The following PLGRKT variants were observed in gnomAD, a reference collection of about 807,000 sequenced individuals.
PLGRKT encodes the protein plasminogen receptor with a C-terminal lysine.
A neutral mutation model predicts 18.5 loss-of-function variants in PLGRKT; 22 were observed. That is an observed-to-expected ratio of 1.19 (90% CI 0.85 to 1.70). The LOEUF (loss-of-function observed/expected upper bound fraction) is 1.70, where lower values mean the gene tolerates loss of function less well. PLGRKT is among the 40% of genes most tolerant of loss of function. The pLI, the probability that PLGRKT is intolerant of heterozygous loss-of-function variation, is 0.00. For missense variants in PLGRKT, 235 were observed against 174.4 expected, an observed-to-expected ratio of 1.35 and a Z score of -1.96; for synonymous variants, 72 against 52.8, an observed-to-expected ratio of 1.36 and a Z score of -1.58.
At chr9:5,428,106 C>T (rs1314569138) in intron 3 of PLGRKT, among the ~76,000 whole-genome samples, 1 of 152,172 alleles carries the variant, frequency 6.6e-6, no homozygotes, top group African/African-American at 2.4e-5. Flanking sequence ...GCTGCTGAAT[C>T]TAGGGGTCCC....
At chr9:5,416,676 T>C (rs1056318061) in intron 3 of PLGRKT, among the ~76,000 whole-genome samples, 1 of 152,228 alleles carries the variant, frequency 6.6e-6, no homozygotes, top group Admixed American at 6.5e-5. Context: ...TGATGGTTAC[T>C]GGATTCATTG....
intron 5 of PLGRKT, among the ~76,000 whole-genome samples, chr9:5,360,453 C>G (rs923752098): frequency 1.2e-4 from 18 of 152,078 alleles, no homozygotes; most frequent in Non-Finnish European, 5.9e-5. Flanking sequence ...GGATGTGTCC[C>G]AATAAAACTT....
rs1818857903 is a variant in PLGRKT, at chr9:5,432,858, C to G, written c.-6-875G>C. 2.0e-5 allele frequency among the ~76,000 whole-genome samples: 3 copies of G among 152,206 alleles called. No homozygotes were observed. In the South Asian group the frequency reaches 6.2e-4, roughly 31 times the overall value. ...TCTCGGCTGGCTACAACCTCCACCT[C>G]CCAGCCGCCTGCCTTGGCCTCCCAA... On this transcript the variant is annotated intron_variant, in intron 2 of 5. Coordinates refer to ENST00000223864, the MANE Select transcript of PLGRKT (RefSeq NM_018465.4).
At chr9:5,419,786 CTG>C (rs970022126) in intron 3 of PLGRKT, among the ~76,000 whole-genome samples, 3 of 152,142 alleles carry the variant, frequency 2.0e-5, no homozygotes, top group African/African-American at 7.2e-5. Context: ...ATGTAAAAAA[CTG>C]TGGCCATGGT....
rs1366564226 is a variant in PLGRKT at position 5,424,429 on chromosome 9, CAT to C, written c.81+7466_81+7467del. 5.6e-5 allele frequency among the ~76,000 whole-genome samples: 6 copies of C among 107,742 alleles called. No homozygotes were observed. In the South Asian group the frequency reaches 1.0e-3, roughly 18 times the overall value. The allele number at this position is 107,742 out of a possible 152,430, so 70.7% of individuals were successfully genotyped here. Reference sequence around the variant, plus strand: ...TTATATATTAACATATAATATATAACATATTATAAAATATATTATATATTATA... The same window carrying C: ...TTATATATTAACATATAATATATAACATTATAAAATATATTATATATTATA... On this transcript the variant is annotated intron_variant, in intron 3 of 5. Transcript: ENST00000223864.
rs557931075 is a variant in PLGRKT at position 5,402,195 on chromosome 9, T to C, written c.81+29702A>G. 2.0e-5 allele frequency among the ~76,000 whole-genome samples: 3 copies of C among 152,070 alleles called. No homozygotes were observed. The East Asian group carries it at 5.8e-4, about 29-fold the overall frequency. ...ACAAAACCACGAACATACTATTATT[T>C]TGTTTGATTAGTGTCAACAGAAGGT... is the stretch of plus-strand genomic sequence containing the variant. On this transcript the variant is annotated intron_variant, in intron 3 of 5. Coordinates refer to ENST00000223864, the MANE Select transcript of PLGRKT (RefSeq NM_018465.4).
intron 3 of PLGRKT, among the ~76,000 whole-genome samples, chr9:5,423,906 T>G (rs1445863780): frequency 6.8e-6 from 1 of 146,682 alleles, no homozygotes; most frequent in Non-Finnish European, 1.5e-5. Flanking sequence ...ATATTACATA[T>G]ATTAGATATT....
intron 3 of PLGRKT, among the ~76,000 whole-genome samples, chr9:5,387,793 A>G (rs1817873521): frequency 6.6e-6 from 1 of 151,888 alleles, no homozygotes; most frequent in Non-Finnish European, 1.5e-5. Flanking sequence ...ATACTTTAAC[A>G]TAAGAAGAAA....
At chr9:5,437,996 G>C (rs542413461), upstream of PLGRKT, 6 of 152,238 alleles carry the variant, frequency 3.9e-5, no homozygotes, top group East Asian at 1.9e-4. Context: ...GTGTCCTTCC[G>C]GGCCAGGCTC....
In PLGRKT at chr9:5,367,276, C is replaced by A. The variant is rs142590054; in HGVS notation, c.82-5388G>T. On this transcript the variant is annotated intron_variant, in intron 3 of 5. Coordinates refer to ENST00000223864, the MANE Select transcript of PLGRKT (RefSeq NM_018465.4). ...AATTCATATGAAACCAAAAAAAGTC[C>A]AAATAGATAAAGCAATCCTAAGCAA... Among the ~76,000 whole-genome samples, 85 of 152,026 alleles carry A rather than the reference C, an allele frequency of 5.6e-4. 1 individual carries two copies. The East Asian group carries it at 0.013, about 23-fold the overall frequency.
intron 3 of PLGRKT, among the ~76,000 whole-genome samples, chr9:5,398,850 T>C (rs1818101997): frequency 6.6e-6 from 1 of 151,836 alleles, no homozygotes; most frequent in Non-Finnish European, 1.5e-5. Context: ...CTTTGATGTA[T>C]TATTTTGAGC....
At chr9:5,367,065 A>ACACACC (rs1554626428) in intron 3 of PLGRKT, among the ~76,000 whole-genome samples, 7 of 148,532 alleles carry the variant, frequency 4.7e-5, no homozygotes, top group African/African-American at 1.5e-4. Flanking sequence ...ACACACACAC[A>ACACACC]CACCCCTAGG....
chr9:5,427,470 GAAGGA>G (rs1818725630), intron 3 of PLGRKT, among the ~76,000 whole-genome samples: 1 of 151,800 alleles, frequency 6.6e-6, no homozygotes, highest in Non-Finnish European at 1.5e-5. Context: ...GATATTTTAA[GAAGGA>G]GAGAACATAC....
In PLGRKT at chr9:5,361,868, C is replaced by T; in HGVS notation, c.102G>A (p.Met34Ile). Residue 34 changes from methionine (M) to isoleucine (I), a missense_variant, in exon 4 of 6, where the codon ATG becomes ATA. Coordinates refer to ENST00000223864, the MANE Select transcript of PLGRKT (RefSeq NM_018465.4). ...TTTGTCTTTCCCTCATTTCACTCTGCATGATGAGCTGCCTTTCCAGCTAAG... is the reference window on the plus strand; with the variant it reads ...TTTGTCTTTCCCTCATTTCACTCTGTATGATGAGCTGCCTTTCCAGCTAAG... ...ARLQLERQLIMQSEMRERQMA... is the reference protein window; with the variant it reads ...ARLQLERQLIIQSEMRERQMA... 1 of 1,612,760 alleles carries T rather than the reference C, an allele frequency of 6.2e-7. No homozygotes were observed. The highest frequency in any genetic ancestry group is 2.2e-5 in the East Asian group (1 of 44,840).
At chr9:5,411,707 A>G (rs1818369711) in intron 3 of PLGRKT, among the ~76,000 whole-genome samples, 2 of 152,340 alleles carry the variant, frequency 1.3e-5, no homozygotes, top group East Asian at 3.9e-4. Context: ...TCCAACTATA[A>G]GAATATATTT....
At chr9:5,408,264 C>T (rs1232917749) in intron 3 of PLGRKT, among the ~76,000 whole-genome samples, 2 of 152,148 alleles carry the variant, frequency 1.3e-5, no homozygotes, top group Admixed American at 1.3e-4. Flanking sequence ...ATGGTTGTGA[C>T]CCAAATGCTG....
At chr9:5,397,775 G>A (rs925656920) in intron 3 of PLGRKT, among the ~76,000 whole-genome samples, 1 of 151,934 alleles carries the variant, frequency 6.6e-6, no homozygotes, top group Non-Finnish European at 1.5e-5. Flanking sequence ...TGAACTTACA[G>A]AGCATAAAGA....
chr9:5,407,517 C>T (rs1303832322), intron 3 of PLGRKT, among the ~76,000 whole-genome samples: 3 of 152,112 alleles, frequency 2.0e-5, no homozygotes, highest in Non-Finnish European at 2.9e-5. Flanking sequence ...CAGGGCCTGG[C>T]ATATTGTCAG....
intron 1 of PLGRKT, among the ~76,000 whole-genome samples, chr9:5,437,277 C>T (rs995837583): frequency 5.9e-5 from 9 of 152,214 alleles, no homozygotes; most frequent in Non-Finnish European, 1.3e-4. Flanking sequence ...TGCATGAATT[C>T]TGTCATCGGG....
Sources: gnomAD v4.1 joint callset for allele counts (sites outside exome capture counted in the v4.1 genomes callset) on GRCh38, gnomAD v4.1.1 for gene constraint, MANE v1.5 for transcripts, NCBI Gene and HGNC (gene_info 2026-07-23, HGNC 2026-07-21) for gene names.